CD200: variants seen among roughly 807,000 people sequenced by gnomAD.
CD200 encodes CD200 molecule, also known as OX-2 membrane glycoprotein.
Under a neutral mutation model 30.9 loss-of-function variants are expected in CD200, and 15 were observed. The ratio of observed to expected loss-of-function variants is 0.49; its 90% CI spans 0.32 to 0.75. The LOEUF (loss-of-function observed/expected upper bound fraction) is 0.75, where lower values mean the gene tolerates loss of function less well. CD200 is among the 30% of genes least tolerant of loss of function. The pLI is 0.03. For synonymous variants in CD200, 134 were observed against 126.2 expected (o/e 1.06, Z -0.41); for missense variants, 262 against 324.2 (o/e 0.81, Z 1.47).
chr3:112,334,776 C>A (rs572175586), intron 1 of CD200, among the ~76,000 whole-genome samples: 2 of 151,980 alleles, frequency 1.3e-5, no homozygotes, highest in Non-Finnish European at 2.9e-5. Context: ...AATAAAAATA[C>A]GTATCTATTT....
Position 112,344,974 on chromosome 3 carries a change from C to T in CD200, c.107C>T (p.Thr36Ile). 3 of 1,610,966 alleles carry T rather than the reference C, an allele frequency of 1.9e-6. No individual in the cohort carries two copies. The highest frequency in any genetic ancestry group is 2.5e-6 in the Non-Finnish European group (3 of 1,178,182). The change falls in exon 3 of 6, where the codon ACC becomes ATC. Residue 36 changes from threonine to isoleucine, a missense_variant. Physicochemically the swap from Thr to Ile is moderately conservative, Grantham distance 89. Coordinates refer to ENST00000315711, the MANE Select transcript of CD200 (RefSeq NM_005944.7). ...VLCTAQVQVV[T>I]QDEREQLYTP... ...TATGATTCCATAGTGCAAGTGGTGA[C>T]CCAGGATGAAAGAGAGCAGCTGTAC...
intron 2 of CD200, among the ~76,000 whole-genome samples, chr3:112,341,200 T>G (rs1335600672): frequency 6.6e-6 from 1 of 152,256 alleles, no homozygotes; most frequent in Non-Finnish European, 1.5e-5. Flanking sequence ...GCCGTTTCCA[T>G]AGTAGATGAA....
chr3:112,336,526 G>A (rs530643679), intron 1 of CD200, among the ~76,000 whole-genome samples: 18 of 152,014 alleles, frequency 1.2e-4, no homozygotes, highest in South Asian at 8.4e-4. Context: ...GGCAAACACC[G>A]AGAATGAGGG....
intron 4 of CD200, among the ~76,000 whole-genome samples, chr3:112,349,082 A>C (rs2081476156): frequency 6.6e-6 from 1 of 152,210 alleles, no homozygotes; most frequent in African/African-American, 2.4e-5. Flanking sequence ...GACGAATCCC[A>C]TTATGGAGGT....
rs186257402 is a variant in CD200 at position 112,349,572 on chromosome 3, T to C, written c.695-140T>C. On this transcript the variant is annotated intron_variant, in intron 4 of 5. Transcript: ENST00000315711. ...AGCTATTACTAATATCTAAATATTA[T>C]TAAAATAATATGAAGTCATACGTAT... The C allele has an allele frequency of 1.5e-5, 7 of 480,018 alleles. No individual in the cohort carries two copies. In the East Asian group the frequency reaches 2.1e-4, roughly 14 times the overall value. 29.7% of individuals were successfully genotyped at this position (480,018 alleles called of 1,614,324 possible).
In CD200 at chr3:112,340,921, C is replaced by A. The variant is rs1131199; in HGVS notation, c.32C>A (p.Ser11Tyr). The change falls in exon 2 of 6, where the codon TCT becomes TAT. Residue 11 changes from serine (S) to tyrosine (Y), a missense_variant. Physicochemically the swap from Ser to Tyr is moderately radical, Grantham distance 144. Transcript: ENST00000315711. Reference protein sequence around the residue: MERLVIRMPFSHLSTYSLVWV... With the variant: MERLVIRMPFYHLSTYSLVWV... ...CTTCAGGTGATCAGGATGCCCTTCT[C>A]TCATCTGTCTACCTACAGCCTGGTT... 2 of 1,608,190 alleles carry A rather than the reference C, an allele frequency of 1.2e-6. No individual in the cohort carries two copies. The highest frequency in any genetic ancestry group is 1.7e-5 in the Admixed American group (1 of 59,946).
chr3:112,345,329 T>C (rs767343650), intron 3 of CD200, 41 bp downstream of exon 3: 5 of 1,515,022 alleles, frequency 3.3e-6, no homozygotes, highest in African/African-American at 2.7e-5. Flanking sequence ...CTGGAAATAC[T>C]ATTTGCAAGA....
Position 112,362,426 on chromosome 3 carries a change from C to T in CD200, c.*876C>T, listed in dbSNP as rs1334940360. The stretch of plus-strand genomic sequence containing the variant: ...AATTCAGCCTCATATAATGAAAATA[C>T]ATTATGAAAACAGATGTTTAGGAGA... On this transcript the variant is annotated 3_prime_UTR_variant, in exon 6 of 6. Transcript: ENST00000315711. 4 of 152,478 alleles carry T rather than the reference C, an allele frequency of 2.6e-5. No individual in the cohort carries two copies. Among genetic ancestry groups the T allele is most frequent in the Admixed American group, 2.6e-4 (4 of 15,254 alleles). The allele number at this position is 152,478 out of a possible 1,614,324, so 9.4% of individuals were successfully genotyped here.
intron 5 of CD200, among the ~76,000 whole-genome samples, chr3:112,353,909 C>T (rs771329675): frequency 3.9e-5 from 6 of 152,122 alleles, no homozygotes; most frequent in African/African-American, 7.2e-5. Context: ...AAATGTGATG[C>T]TTTACATGAG....
rs879786648 is a variant in CD200 at position 112,360,333 on chromosome 3, A to AAAAATATATAT, written c.803-1209_803-1208insAAATATATATA. On this transcript the variant is annotated intron_variant, in intron 5 of 5. Coordinates refer to ENST00000315711, the MANE Select transcript of CD200 (RefSeq NM_005944.7). ...ACACAGTGAGACTTCATCTAAAAAA[A>AAAAATATATAT]ATATATATATATATGTATATATTTT... Among the ~76,000 whole-genome samples the AAAAATATATAT allele has an allele frequency of 4.5e-3, 632 of 141,278 alleles. 7 individuals are homozygous for AAAAATATATAT. The highest frequency in any genetic ancestry group is 0.015 in the African/African-American group (583 of 39,510). The allele number at this position is 141,278 out of a possible 152,430, so 92.7% of individuals were successfully genotyped here. A position where few individuals can be genotyped will look rare whatever the true frequency, so the allele number is the denominator to read the frequency against.
At chr3:112,337,591 A>T (rs2081147297) in intron 1 of CD200, among the ~76,000 whole-genome samples, 1 of 152,206 alleles carries the variant, frequency 6.6e-6, no homozygotes, top group Non-Finnish European at 1.5e-5. Context: ...ACAAAGAGGA[A>T]TTTAAGGAAA....
intron 5 of CD200, among the ~76,000 whole-genome samples, chr3:112,358,367 TG>T (rs35741424): frequency 0.4 from 61,480 of 151,998 alleles, 12,761 homozygotes; most frequent in Middle Eastern, 0.48. Context: ...GAGAAATTTG[TG>T]GGGACCCACT....
chr3:112,343,514 C>G (rs143197917), intron 2 of CD200, among the ~76,000 whole-genome samples: 1 of 152,082 alleles, frequency 6.6e-6, no homozygotes, highest in African/African-American at 2.4e-5. Context: ...CTCTTGCCCA[C>G]GCTGATCTTG....
intron 1 of CD200, chr3:112,336,019 T>TA: frequency 1.3e-6 from 2 of 1,598,558 alleles, no homozygotes; most frequent in Non-Finnish European, 1.7e-6. Context: ...GATTACCAGG[T>TA]AATTTTCTAC....
intron 5 of CD200, among the ~76,000 whole-genome samples, chr3:112,360,730 A>G (rs1199327757): frequency 6.6e-6 from 1 of 152,164 alleles, no homozygotes; most frequent in Non-Finnish European, 1.5e-5. Context: ...AGGTGGTGCC[A>G]AGATAAAATT....
At chr3:112,345,543 G>A (rs2081366230) in intron 3 of CD200, among the ~76,000 whole-genome samples, 3 of 152,178 alleles carry the variant, frequency 2.0e-5, no homozygotes, top group African/African-American at 7.2e-5. Flanking sequence ...ACAATGGTGA[G>A]GGCAACAAGT....
intron 5 of CD200, among the ~76,000 whole-genome samples, chr3:112,357,084 A>C (rs1030516337): frequency 6.6e-6 from 1 of 151,418 alleles, no homozygotes; most frequent in African/African-American, 2.4e-5. Flanking sequence ...ACAGCGTGAA[A>C]CCCCCTCTCT....
intron 5 of CD200, among the ~76,000 whole-genome samples, chr3:112,350,737 GA>G (rs1429365841): frequency 2.0e-5 from 3 of 152,148 alleles, no homozygotes; most frequent in African/African-American, 7.2e-5. Context: ...AGTTGGCTTT[GA>G]TAGCTATTTT....
intron 5 of CD200, among the ~76,000 whole-genome samples, chr3:112,351,996 T>A (rs2081542027): frequency 6.6e-6 from 1 of 152,098 alleles, no homozygotes; most frequent in South Asian, 2.1e-4. Context: ...TCCCAAGAGA[T>A]CTTCCCCCCT....
Sources: gnomAD v4.1 joint callset for allele counts (sites outside exome capture counted in the v4.1 genomes callset) on GRCh38, gnomAD v4.1.1 for gene constraint, MANE v1.5 for transcripts, NCBI Gene and HGNC (gene_info 2026-07-23, HGNC 2026-07-21) for gene names.